SLCO2B1: variants seen among roughly 807,000 people sequenced by gnomAD.
SLCO2B1 encodes the protein OATP-RP2.
SLCO2B1 carries 41 observed loss-of-function variants against 67.3 expected under a neutral mutation model. The observed-to-expected ratio is 0.61, with a 90% CI of 0.47 to 0.79. SLCO2B1 has a LOEUF of 0.79. Among genes scored for constraint, SLCO2B1 ranks in the 30% least tolerant of loss-of-function variants. The pLI is 0.00. For synonymous variants in SLCO2B1, 379 were observed against 381.4 expected (o/e 0.99, Z 0.07); for missense variants, 837 against 920.1 (o/e 0.91, Z 1.17).
chr11:75,181,671 C>T (rs1950093548), intron 7 of SLCO2B1, among the ~76,000 whole-genome samples: 1 of 152,174 alleles, frequency 6.6e-6, no homozygotes, highest in Non-Finnish European at 1.5e-5. Context: ...GGGGGCCCAG[C>T]AGACAGGAGG....
chr11:75,188,014 C>T, intron 7 of SLCO2B1, 122 bp from the exon 8 acceptor site: 1 of 638,260 alleles, frequency 1.6e-6, no homozygotes, highest in East Asian at 2.8e-5. Flanking sequence ...TCAATTGCTC[C>T]TGAAGAGATG....
At position 75,151,514 on chromosome 11, in the gene SLCO2B1, G is replaced by A; in HGVS notation, c.16+117G>A. 1.9e-6 allele frequency: 2 copies of A among 1,053,398 alleles called. 1 individual carries two copies. The highest frequency in any genetic ancestry group is 2.7e-5 in the South Asian group (2 of 73,244). 65.3% of individuals were successfully genotyped at this position (1,053,398 alleles called of 1,614,324 possible). ...GTGGGATGGGTGCTCACAGCTGTTG[G>A]CACAGAGCCAGGCACATGGCCGGAG... On this transcript the variant is annotated intron_variant, in intron 1 of 13. Transcript: ENST00000289575.
chr11:75,159,636 G>C (rs1949790286), intron 1 of SLCO2B1: 1 of 154,930 alleles, frequency 6.5e-6, no homozygotes, highest in Non-Finnish European at 1.4e-5. Flanking sequence ...GGCTCGGAGG[G>C]GGTGGGCAGC....
At chr11:75,183,917 T>C (rs1950117313) in intron 7 of SLCO2B1, among the ~76,000 whole-genome samples, 1 of 152,184 alleles carries the variant, frequency 6.6e-6, no homozygotes, top group African/African-American at 2.4e-5. Flanking sequence ...CAGAACTTGT[T>C]TGCTCATGTG....
chr11:75,193,147 G>T lies in SLCO2B1; in HGVS notation c.1076-71G>T. On this transcript the variant is annotated intron_variant, in intron 8 of 13. Transcript: ENST00000289575. The surrounding 1 kb of genome is among the most constrained non-coding windows in gnomAD (Gnocchi z 4.2). ...AAATGGAACTGCTTGAACTGAGCAG[G>T]GCAGGAGGGCAGTCTCTGCTGGACA... The T allele has an allele frequency of 8.9e-7, 1 of 1,128,344 alleles. No individual in the cohort carries two copies. Among genetic ancestry groups the T allele is most frequent in the Non-Finnish European group, 1.3e-6 (1 of 777,990 alleles). 69.9% of individuals were successfully genotyped at this position (1,128,344 alleles called of 1,614,324 possible). A position where few individuals can be genotyped will look rare whatever the true frequency, so the allele number is the denominator to read the frequency against.
intron 6 of SLCO2B1, among the ~76,000 whole-genome samples, chr11:75,170,604 G>A (rs1048757083): frequency 3.9e-5 from 6 of 152,166 alleles, no homozygotes; most frequent in Non-Finnish European, 7.4e-5. Context: ...GGTGACGTGT[G>A]TGTGGCTGAA....
In SLCO2B1 at chr11:75,176,558, C is replaced by A. The variant is rs76855336; in HGVS notation, c.972+3989C>A. ...TGTGCCTCGAATGGTCTATGACTCC[C>A]CAAATCCACATTTCTAAATGGCTGC... On this transcript the variant is annotated intron_variant, in intron 7 of 13. Transcript: ENST00000289575. Among the ~76,000 whole-genome samples the A allele has an allele frequency of 3.3e-3, 504 of 152,348 alleles. 3 individuals carry two copies. The highest frequency in any genetic ancestry group is 0.011 in the African/African-American group (475 of 41,580).
intron 8 of SLCO2B1, among the ~76,000 whole-genome samples, chr11:75,191,817 T>C (rs7118873): frequency 6.6e-6 from 1 of 152,060 alleles, no homozygotes; most frequent in Non-Finnish European, 1.5e-5. Context: ...TTCATGTGTC[T>C]AACAGAAAAT....
chr11:75,195,018 C>T (rs1400280519), intron 9 of SLCO2B1, among the ~76,000 whole-genome samples: 2 of 152,212 alleles, frequency 1.3e-5, no homozygotes, highest in Non-Finnish European at 2.9e-5. Context: ...GGTCTCCCTT[C>T]GCTCAGCGTC....
At position 75,172,459 on chromosome 11, in the gene SLCO2B1, G is replaced by C; in HGVS notation, c.862G>C (p.Ala288Pro). 1 of 1,614,186 alleles carries C rather than the reference G, an allele frequency of 6.2e-7. No individual in the cohort carries two copies. The highest frequency in any genetic ancestry group is 8.5e-7 in the Non-Finnish European group (1 of 1,180,018). ...LGFLIAAGAV[A>P]LAAIPYFFFP... ...TTTCCTCATCGCTGCCGGTGCAGTG[G>C]CCCTGGCTGCCATCCCCTACTTCTT... The change falls in exon 7 of 14, where the codon GCC (alanine) becomes CCC (proline). Residue 288 changes from alanine (A) to proline (P), a missense_variant. Transcript: ENST00000289575.
intron 7 of SLCO2B1, among the ~76,000 whole-genome samples, chr11:75,176,095 A>G (rs551417062): frequency 6.6e-6 from 1 of 152,346 alleles, no homozygotes; most frequent in South Asian, 2.1e-4. Flanking sequence ...ACAATCAGCC[A>G]GTCCCCAAGG....
In SLCO2B1 at chr11:75,162,756, G is replaced by A. The variant is rs780641592; in HGVS notation, c.118G>A (p.Val40Met). The change falls in exon 2 of 14, where the codon GTG becomes ATG. Residue 40 changes from valine (V) to methionine (M), a missense_variant. Coordinates refer to ENST00000289575, the MANE Select transcript of SLCO2B1 (RefSeq NM_007256.5). ...CAAAGCCAGCCCAGACCCTCAGGAC[G>A]TGCGGCCAAGTGTGTTCCATAACAT... Reference protein sequence around the residue: ...GGKASPDPQDVRPSVFHNIKL... With the variant: ...GGKASPDPQDMRPSVFHNIKL... 1.9e-5 allele frequency: 31 copies of A among 1,613,852 alleles called. 1 individual carries two copies. The highest frequency in any genetic ancestry group is 1.8e-4 in the Admixed American group (11 of 59,970).
chr11:75,197,052 G>C (rs553931138), intron 10 of SLCO2B1, among the ~76,000 whole-genome samples: 1 of 152,318 alleles, frequency 6.6e-6, no homozygotes, highest in African/African-American at 2.4e-5. Flanking sequence ...GGAGGCGGAG[G>C]TTGCAGTAAG....
chr11:75,200,429 G>T (rs777015211), intron 11 of SLCO2B1, 42 bp downstream of exon 11: 2 of 1,529,334 alleles, frequency 1.3e-6, no homozygotes, highest in Admixed American at 1.9e-5. Context: ...ATACCAGGAG[G>T]TCCTTAACCA....
Position 75,196,570 on chromosome 11 carries a change from T to C in SLCO2B1, c.1490T>C (p.Leu497Ser), listed in dbSNP as rs756358511. Residue 497 changes from leucine (L) to serine (S), a missense_variant, in exon 10 of 14, where the codon TTG becomes TCG. Transcript: ENST00000289575. The part of the protein sequence containing the change: ...PSCMEACSCP[L>S]DGFNPVCDPS... ...TGCATGGAGGCCTGCTCCTGCCCAT[T>C]GGACGGCTTTAACCCTGTCTGCGAC... is the stretch of plus-strand genomic sequence containing the variant. 19 of 1,614,132 alleles carry C rather than the reference T, an allele frequency of 1.2e-5. 1 individual carries two copies. In the South Asian group the frequency reaches 1.8e-4, roughly 15 times the overall value.
At chr11:75,174,083 T>C (rs1411632166) in intron 7 of SLCO2B1, among the ~76,000 whole-genome samples, 1 of 152,140 alleles carries the variant, frequency 6.6e-6, no homozygotes, top group South Asian at 2.1e-4. Flanking sequence ...ATTACAGGAG[T>C]GAGCCACCGT....
Position 75,196,689 on chromosome 11 carries a change from G to T in SLCO2B1, c.1599+10G>T, listed in dbSNP as rs756224151. 1.2e-6 allele frequency: 2 copies of T among 1,610,392 alleles called. No individual in the cohort carries two copies. Among genetic ancestry groups the T allele is most frequent in the South Asian group, 2.2e-5 (2 of 90,438 alleles). Reference sequence around the variant, plus strand: ...TCTGGACAACAGCCAGGTGAGTCAGGCCTCTCGTGGCAACCTCTGCCCCTC... The same window carrying T: ...TCTGGACAACAGCCAGGTGAGTCAGTCCTCTCGTGGCAACCTCTGCCCCTC... On this transcript the variant is annotated intron_variant, in intron 10 of 13. Coordinates refer to ENST00000289575, the MANE Select transcript of SLCO2B1 (RefSeq NM_007256.5).
At chr11:75,162,633 TC>T (rs765253523) in intron 1 of SLCO2B1, 21 bp from the exon 2 acceptor site, 1 of 1,607,704 alleles carries the variant, frequency 6.2e-7, no homozygotes, top group African/African-American at 1.3e-5. Flanking sequence ...CTATTCTCTT[TC>T]CCTGGTTTTC....
intron 7 of SLCO2B1, among the ~76,000 whole-genome samples, chr11:75,180,877 G>A (rs1027518679): frequency 2.0e-5 from 3 of 152,290 alleles, no homozygotes; most frequent in East Asian, 1.9e-4. Flanking sequence ...CTAGTAAATG[G>A]TGAAACCAAT....
Sources: allele counts gnomAD v4.1 joint callset (sites outside exome capture counted in the v4.1 genomes callset), GRCh38; gene constraint gnomAD v4.1.1; non-coding constraint Gnocchi (gnomAD v3.1); transcripts MANE v1.5; gene names NCBI Gene and HGNC (gene_info 2026-07-23, HGNC 2026-07-21).